The following NTRK2 variants were observed in gnomAD, a reference collection of about 807,000 sequenced individuals.
NTRK2 encodes the protein neurotrophic receptor tyrosine kinase 2.
Under a neutral mutation model 94.5 loss-of-function variants are expected in NTRK2, and 13 were observed. The observed-to-expected ratio is 0.14, with a 90% confidence interval of 0.09 to 0.22. The LOEUF is 0.22. Among genes scored for constraint, NTRK2 ranks in the 10% least tolerant of loss-of-function variants. The pLI is 1.00. For missense variants in NTRK2, 639 were observed against 1,071.2 expected (o/e 0.60, Z 5.63); for synonymous variants, 372 against 407.4 (o/e 0.91, Z 1.05).
intron 12 of NTRK2, chr9:84,810,767 T>C (rs2071692232): frequency 6.9e-7 from 1 of 1,448,246 alleles, no homozygotes; most frequent in Admixed American, 2.8e-5. Flanking sequence ...TGAGCTGTGA[T>C]TGGGGAACAC....
intron 2 of NTRK2, among the ~76,000 whole-genome samples, chr9:84,675,172 C>T (rs1480924899): frequency 6.6e-6 from 1 of 152,124 alleles, no homozygotes; most frequent in African/African-American, 2.4e-5. Flanking sequence ...GTTGGCTGAA[C>T]AGCTGAGAGT....
At chr9:84,794,537 G>T (rs1715599103) in intron 12 of NTRK2, among the ~76,000 whole-genome samples, 1 of 152,140 alleles carries the variant, frequency 6.6e-6, no homozygotes, top group African/African-American at 2.4e-5. Context: ...CATCTCAGCG[G>T]TTTTCTCATC....
intron 12 of NTRK2, among the ~76,000 whole-genome samples, chr9:84,857,295 G>A (rs962173034): frequency 4.6e-5 from 7 of 152,074 alleles, no homozygotes; most frequent in Non-Finnish European, 8.8e-5. Context: ...CCAAAAGGAG[G>A]GGATTCTTTA....
intron 14 of NTRK2, among the ~76,000 whole-genome samples, chr9:84,881,688 A>G (rs1480119440): frequency 1.3e-5 from 2 of 152,186 alleles, no homozygotes; most frequent in Admixed American, 1.3e-4. Context: ...TTTGCCTATG[A>G]TTCTGGTAGG....
chr9:84,781,657 T>G (rs944992282), intron 12 of NTRK2, among the ~76,000 whole-genome samples: 1 of 152,198 alleles, frequency 6.6e-6, no homozygotes, highest in Non-Finnish European at 1.5e-5. Flanking sequence ...TTGCACTGAT[T>G]TGGGGGGCCC....
chr9:84,971,060 G>C (rs991362757), intron 17 of NTRK2, among the ~76,000 whole-genome samples: 1 of 152,200 alleles, frequency 6.6e-6, no homozygotes, highest in Non-Finnish European at 1.5e-5. Context: ...ACAGTGTTTA[G>C]CTATGCTTGA....
At chr9:84,882,197 C>T (rs1253832299) in intron 14 of NTRK2, among the ~76,000 whole-genome samples, 1 of 104,768 alleles carries the variant, frequency 9.5e-6, no homozygotes, top group Non-Finnish European at 1.7e-5. Context: ...CTCCCACCAA[C>T]ACACACACAC....
chr9:84,744,715 C>G (rs2063914205), intron 10 of NTRK2, among the ~76,000 whole-genome samples: 1 of 152,118 alleles, frequency 6.6e-6, no homozygotes, highest in Non-Finnish European at 1.5e-5. Flanking sequence ...AGAAAAATCC[C>G]TGAACCAGGT....
At chr9:84,845,937 A>C (rs923051270) in intron 12 of NTRK2, among the ~76,000 whole-genome samples, 2 of 152,272 alleles carry the variant, frequency 1.3e-5, no homozygotes, top group Admixed American at 1.3e-4. Flanking sequence ...AAAAAAAAAA[A>C]AGAAGCCATA....
At chr9:84,905,713 T>C (rs1287675290) in intron 14 of NTRK2, among the ~76,000 whole-genome samples, 1 of 152,154 alleles carries the variant, frequency 6.6e-6, no homozygotes, top group Non-Finnish European at 1.5e-5. Context: ...TTGGGGTAAT[T>C]AATCTGGGAG....
intron 17 of NTRK2, among the ~76,000 whole-genome samples, chr9:84,970,011 G>T (rs1825996431): frequency 6.6e-6 from 1 of 152,160 alleles, no homozygotes; most frequent in African/African-American, 2.4e-5. Flanking sequence ...GATTTTCTGG[G>T]TTCAAATTCC....
At chr9:84,963,427 C>T (rs1825187989) in intron 17 of NTRK2, among the ~76,000 whole-genome samples, 1 of 152,150 alleles carries the variant, frequency 6.6e-6, no homozygotes, top group African/African-American at 2.4e-5. Context: ...GCAATGAGCC[C>T]CTGCCTTTAA....
chr9:84,691,270 T>C (rs926725536), intron 2 of NTRK2, among the ~76,000 whole-genome samples: 1 of 152,232 alleles, frequency 6.6e-6, no homozygotes, highest in Non-Finnish European at 1.5e-5. Context: ...AGCTTTCATT[T>C]TCTTCTTCCT....
chr9:84,714,995 G>A (rs1342543547), intron 6 of NTRK2, among the ~76,000 whole-genome samples: 1 of 152,154 alleles, frequency 6.6e-6, no homozygotes, highest in Admixed American at 6.5e-5. Flanking sequence ...TTATTTGTTT[G>A]TAAGATGAGT....
chr9:84,757,000 TA>T (rs1410809196), intron 12 of NTRK2, among the ~76,000 whole-genome samples: 1 of 152,228 alleles, frequency 6.6e-6, no homozygotes, highest in Non-Finnish European at 1.5e-5. Flanking sequence ...AAGCCTTTTA[TA>T]TGAGCTGAAA....
At chr9:84,782,954 A>C (rs1407756291) in intron 12 of NTRK2, among the ~76,000 whole-genome samples, 1 of 152,194 alleles carries the variant, frequency 6.6e-6, no homozygotes, top group Non-Finnish European at 1.5e-5. Flanking sequence ...ACTTCCCCAA[A>C]TGTAAGAAGT....
chr9:84,903,480 GTCATC>G (rs1352122503), intron 14 of NTRK2, among the ~76,000 whole-genome samples: 1 of 152,140 alleles, frequency 6.6e-6, no homozygotes, highest in Non-Finnish European at 1.5e-5. Context: ...CCATGTTATG[GTCATC>G]TCATAACTAA....
intron 12 of NTRK2, chr9:84,812,389 G>T (rs528017448): frequency 2.8e-6 from 3 of 1,057,604 alleles, no homozygotes; most frequent in African/African-American, 1.6e-5. Flanking sequence ...GAAACATGCC[G>T]CCAGTTCTCA....
In NTRK2 at chr9:84,739,035, A is replaced by T. The variant is rs1309040667; in HGVS notation, c.1160-2857A>T. Among the ~76,000 whole-genome samples, 4 of 151,924 alleles carry T rather than the reference A, an allele frequency of 2.6e-5. No homozygotes were observed. The South Asian group carries it at 6.2e-4, about 24-fold the overall frequency. On this transcript the variant is annotated intron_variant, in intron 9 of 18. Coordinates refer to ENST00000277120, the MANE Select transcript of NTRK2 (RefSeq NM_006180.6). The stretch of plus-strand genomic sequence containing the variant: ...GATGGACACTGACCTATTTTTAATT[A>T]AATTAAATTAAATTAAATTATTTAT...
Sources: allele counts gnomAD v4.1 joint callset (sites outside exome capture counted in the v4.1 genomes callset), GRCh38; gene constraint gnomAD v4.1.1; transcripts MANE v1.5; gene names NCBI Gene and HGNC (gene_info 2026-07-23, HGNC 2026-07-21).